TAOK3: variants seen among roughly 807,000 people sequenced by gnomAD.
The protein encoded by TAOK3 is serine/threonine-protein kinase TAO3.
Under a neutral mutation model 120.4 loss-of-function variants are expected in TAOK3, and 40 were observed. That is an observed-to-expected ratio of 0.33 (90% CI 0.26 to 0.43). The LOEUF is 0.43. Ranked by LOEUF, TAOK3 falls within the 20% of genes least tolerant of loss-of-function variation. TAOK3 has a pLI of 1.00. For synonymous variants in TAOK3, 355 were observed against 387.5 expected, an observed-to-expected ratio of 0.92 and a Z score of 0.99; for missense variants, 821 against 1,112.1, an observed-to-expected ratio of 0.74 and a Z score of 3.72.
intron 1 of TAOK3, among the ~76,000 whole-genome samples, chr12:118,324,102 A>G (rs893321776): frequency 3.9e-5 from 6 of 152,168 alleles, no homozygotes; most frequent in African/African-American, 1.4e-4. Context: ...TGGAGGGGAA[A>G]TGTATATGTG....
At chr12:118,341,524 T>C (rs1220860941) in intron 1 of TAOK3, among the ~76,000 whole-genome samples, 2 of 152,152 alleles carry the variant, frequency 1.3e-5, no homozygotes, top group East Asian at 3.9e-4. Context: ...TTAAATCTAA[T>C]ATAAAAACCA....
intron 1 of TAOK3, among the ~76,000 whole-genome samples, chr12:118,353,499 G>C (rs2045263033): frequency 1.3e-5 from 2 of 151,982 alleles, no homozygotes; most frequent in South Asian, 4.1e-4. Context: ...AAGTCAAGCA[G>C]AAGAAGTTAG....
intron 1 of TAOK3, among the ~76,000 whole-genome samples, chr12:118,315,853 T>C (rs1184540711): frequency 6.6e-6 from 1 of 152,132 alleles, no homozygotes; most frequent in Non-Finnish European, 1.5e-5. Context: ...AATGCAAGTA[T>C]AAATGACAAA....
intron 1 of TAOK3, among the ~76,000 whole-genome samples, chr12:118,365,425 C>T (rs535069344): frequency 4.3e-5 from 5 of 115,590 alleles, no homozygotes; most frequent in East Asian, 2.6e-4. Flanking sequence ...TAGAGATGGG[C>T]GGGGGCGGGG....
At chr12:118,271,243 T>A (rs1355453692) in intron 1 of TAOK3, among the ~76,000 whole-genome samples, 1 of 152,210 alleles carries the variant, frequency 6.6e-6, no homozygotes, top group African/African-American at 2.4e-5. Flanking sequence ...ATTTTAGATA[T>A]GTACAACCGT....
At chr12:118,169,404 C>A (rs1441853778) in intron 17 of TAOK3, among the ~76,000 whole-genome samples, 1 of 146,990 alleles carries the variant, frequency 6.8e-6, no homozygotes, top group Non-Finnish European at 1.5e-5. Flanking sequence ...GCAAGCTCTG[C>A]CTCCTGGGTT....
intron 1 of TAOK3, among the ~76,000 whole-genome samples, chr12:118,281,307 T>C (rs1034179820): frequency 2.6e-5 from 4 of 152,154 alleles, no homozygotes; most frequent in African/African-American, 9.7e-5. Context: ...TTCAGTATGA[T>C]GTTGGTTGTG....
intron 1 of TAOK3, among the ~76,000 whole-genome samples, chr12:118,296,057 G>A (rs1180694880): frequency 6.6e-6 from 1 of 152,216 alleles, no homozygotes; most frequent in East Asian, 1.9e-4. Flanking sequence ...ATGCATATGT[G>A]TGTATCTGAG....
At chr12:118,344,955 C>G (rs1331710194) in intron 1 of TAOK3, among the ~76,000 whole-genome samples, 2 of 152,100 alleles carry the variant, frequency 1.3e-5, no homozygotes, top group Non-Finnish European at 2.9e-5. Flanking sequence ...TTCACCTTGT[C>G]AATGCTAATT....
chr12:118,348,853 T>G (rs1159001201), intron 1 of TAOK3, among the ~76,000 whole-genome samples: 2 of 150,612 alleles, frequency 1.3e-5, no homozygotes, highest in Non-Finnish European at 3.0e-5. Context: ...TTCTTTTTTT[T>G]TTTTTTTTTT....
chr12:118,177,416 C>T, intron 15 of TAOK3, 87 bp from the exon 16 acceptor site: 2 of 1,004,374 alleles, frequency 2.0e-6, no homozygotes, highest in South Asian at 3.6e-5. Context: ...GTAAGACAGT[C>T]CATGAGTGCT....
intron 13 of TAOK3, chr12:118,198,550 C>T (rs2037860515): frequency 6.0e-6 from 1 of 167,836 alleles, no homozygotes; most frequent in Non-Finnish European, 1.3e-5. Flanking sequence ...CCAGGCCCGG[C>T]TATTTTTTGT....
intron 11 of TAOK3, among the ~76,000 whole-genome samples, chr12:118,206,070 T>C (rs1235061067): frequency 1.3e-5 from 2 of 152,194 alleles, no homozygotes; most frequent in East Asian, 1.9e-4. Flanking sequence ...TTTTATTTTC[T>C]AGAATAAAAA....
intron 19 of TAOK3, among the ~76,000 whole-genome samples, chr12:118,153,010 G>A (rs1057511723): frequency 2.0e-5 from 3 of 152,180 alleles, no homozygotes; most frequent in Non-Finnish European, 4.4e-5. Flanking sequence ...CATAAAACTT[G>A]AGGAATATAC....
At chr12:118,214,295 C>A (rs1593179660) in intron 9 of TAOK3, 185 bp from the exon 10 acceptor site, 1 of 521,702 alleles carries the variant, frequency 1.9e-6, no homozygotes, top group Non-Finnish European at 3.3e-6. Flanking sequence ...AGCTGCCGGA[C>A]ATTAAATGTA....
Position 118,151,249 on chromosome 12 carries a change from T to C in TAOK3, c.2536-91A>G, listed in dbSNP as rs2034388601. The C allele has an allele frequency of 4.4e-6, 6 of 1,348,510 alleles. No homozygotes were observed. In the Admixed American group the frequency reaches 9.8e-5, roughly 22 times the overall value. The allele number at this position is 1,348,510 out of a possible 1,614,324, so 83.5% of individuals were successfully genotyped here. A position where few individuals can be genotyped will look rare whatever the true frequency, so the allele number is the denominator to read the frequency against. ...TACACCCATAGGCACACATATGACATGCACACACACATAGGCACACACATG... is the reference window on the plus strand; with the variant it reads ...TACACCCATAGGCACACATATGACACGCACACACACATAGGCACACACATG... On this transcript the variant is annotated intron_variant, in intron 20 of 20. Transcript: ENST00000392533.
intron 1 of TAOK3, among the ~76,000 whole-genome samples, chr12:118,270,993 A>G (rs1020231761): frequency 1.3e-5 from 2 of 151,958 alleles, no homozygotes; most frequent in South Asian, 4.1e-4. Flanking sequence ...CACTTCTATA[A>G]AACCTACTAT....
At chr12:118,164,002 G>A (rs993722968) in intron 17 of TAOK3, among the ~76,000 whole-genome samples, 4 of 151,792 alleles carry the variant, frequency 2.6e-5, no homozygotes, top group Non-Finnish European at 5.9e-5. Context: ...GTGAGCCACC[G>A]TGCCCGACCT....
chr12:118,228,706 C>T (rs1268738556), intron 9 of TAOK3, among the ~76,000 whole-genome samples: 6 of 152,184 alleles, frequency 3.9e-5, no homozygotes, highest in Non-Finnish European at 8.8e-5. Flanking sequence ...AAAACAGTTG[C>T]ACCCTTGTAC....
Sources: gnomAD v4.1 joint callset for allele counts (sites outside exome capture counted in the v4.1 genomes callset) on GRCh38, gnomAD v4.1.1 for gene constraint, MANE v1.5 for transcripts, NCBI Gene and HGNC (gene_info 2026-07-23, HGNC 2026-07-21) for gene names.